The following ADCY2 variants were observed in gnomAD, a reference collection of about 807,000 sequenced individuals.
ADCY2 encodes the protein adenylate cyclase type 2.
ADCY2 carries 31 observed loss-of-function variants against 125.2 expected under a neutral mutation model. The observed-to-expected ratio is 0.25, with a 90% CI of 0.19 to 0.33. The LOEUF (loss-of-function observed/expected upper bound fraction) is 0.33. ADCY2 is among the 10% of genes least tolerant of loss of function. ADCY2 has a pLI of 1.00. For synonymous variants in ADCY2, 512 were observed against 548.4 expected, an observed-to-expected ratio of 0.93 and a Z score of 0.93; for missense variants, 904 against 1,418.2, an observed-to-expected ratio of 0.64 and a Z score of 5.82.
At chr5:7,555,068 G>C (rs983409154) in intron 3 of ADCY2, among the ~76,000 whole-genome samples, 3 of 152,074 alleles carry the variant, frequency 2.0e-5, no homozygotes, top group African/African-American at 7.2e-5. Flanking sequence ...TACGTGAGTG[G>C]GTGTGCACTG....
intron 2 of ADCY2, among the ~76,000 whole-genome samples, chr5:7,499,557 T>C (rs1466407333): frequency 1.3e-5 from 2 of 150,316 alleles, no homozygotes; most frequent in African/African-American, 4.9e-5. Flanking sequence ...AAGTAATAAA[T>C]GAGGTCAAAG....
At chr5:7,579,245 C>G (rs955537294) in intron 3 of ADCY2, among the ~76,000 whole-genome samples, 2 of 152,168 alleles carry the variant, frequency 1.3e-5, no homozygotes, top group Non-Finnish European at 2.9e-5. Flanking sequence ...CAAACAGCAC[C>G]TGGATGACCT....
intron 2 of ADCY2, among the ~76,000 whole-genome samples, chr5:7,501,148 G>A (rs969971172): frequency 5.0e-5 from 7 of 140,766 alleles, no homozygotes; most frequent in Non-Finnish European, 3.1e-5. Flanking sequence ...AAAAAAAAAG[G>A]TCTACATTTT....
chr5:7,500,329 G>A (rs1561059476), intron 2 of ADCY2, among the ~76,000 whole-genome samples: 1 of 152,212 alleles, frequency 6.6e-6, no homozygotes, highest in African/African-American at 2.4e-5. Flanking sequence ...TAAGGAAAGA[G>A]AGCAGAACCG....
At chr5:7,526,335 G>A (rs1734457218) in intron 3 of ADCY2, among the ~76,000 whole-genome samples, 1 of 152,188 alleles carries the variant, frequency 6.6e-6, no homozygotes, top group Admixed American at 6.5e-5. Flanking sequence ...AAGGGAAGCG[G>A]GTGGTAAAAT....
chr5:7,793,617 AG>A, intron 20 of ADCY2: 3 of 149,560 alleles, frequency 2.0e-5, no homozygotes, highest in Admixed American at 1.3e-4. Flanking sequence ...CCTCACTGCA[AG>A]GGCAGCTCGG....
At chr5:7,715,137 G>T (rs1013460406) in intron 11 of ADCY2, among the ~76,000 whole-genome samples, 7 of 152,174 alleles carry the variant, frequency 4.6e-5, no homozygotes, top group African/African-American at 1.4e-4. Context: ...CATGGCAGAG[G>T]TCACAAGACT....
At chr5:7,812,105 C>G (rs1165171520) in intron 22 of ADCY2, among the ~76,000 whole-genome samples, 1 of 152,146 alleles carries the variant, frequency 6.6e-6, no homozygotes, top group Admixed American at 6.5e-5. Context: ...AGGAGTCATA[C>G]AGAGACCGTC....
chr5:7,603,815 G>GTTTT (rs1277338369), intron 3 of ADCY2, among the ~76,000 whole-genome samples: 3 of 68,460 alleles, frequency 4.4e-5, no homozygotes, highest in Non-Finnish European at 5.9e-5. Flanking sequence ...TTTTTCTTTT[G>GTTTT]TTTTTTTTTT....
intron 1 of ADCY2, among the ~76,000 whole-genome samples, chr5:7,410,993 T>C (rs1322389924): frequency 6.6e-6 from 1 of 152,138 alleles, no homozygotes; most frequent in Non-Finnish European, 1.5e-5. Context: ...TTTATTCCAT[T>C]GACTTAGCCT....
chr5:7,743,607 A>C (rs1742508379), intron 14 of ADCY2, 61 bp from the exon 15 acceptor site: 2 of 1,480,018 alleles, frequency 1.4e-6, no homozygotes, highest in South Asian at 1.1e-5. Flanking sequence ...TATTACTGGT[A>C]GCTTTCCAGA....
In ADCY2 at chr5:7,432,977, A is replaced by G. The variant is rs188893978; in HGVS notation, c.408+18207A>G. ...CCTCAGTAAGGGTGTAAGATGGTGT[A>G]TAGGATTTTGTAGCATACAAAGAAT... On this transcript the variant is annotated intron_variant, in intron 2 of 24. Transcript: ENST00000338316. 3.9e-5 allele frequency among the ~76,000 whole-genome samples: 6 copies of G among 151,966 alleles called. No individual in the cohort carries two copies. In the East Asian group the frequency reaches 1.2e-3, roughly 29 times the overall value.
At chr5:7,586,876 T>C (rs1414001415) in intron 3 of ADCY2, among the ~76,000 whole-genome samples, 1 of 152,226 alleles carries the variant, frequency 6.6e-6, no homozygotes, top group Admixed American at 6.5e-5. Context: ...CGCCACATCT[T>C]CGTCTATCTA....
intron 3 of ADCY2, among the ~76,000 whole-genome samples, chr5:7,593,760 A>G (rs1034821255): frequency 2.6e-5 from 4 of 152,200 alleles, no homozygotes; most frequent in African/African-American, 4.8e-5. Context: ...CTCTGTTCTC[A>G]TGACACATTC....
intron 4 of ADCY2, among the ~76,000 whole-genome samples, chr5:7,627,159 G>A (rs947045771): frequency 1.3e-5 from 2 of 152,164 alleles, no homozygotes; most frequent in African/African-American, 4.8e-5. Context: ...AGGATGAAAT[G>A]TTGGAGTCTT....
intron 15 of ADCY2, among the ~76,000 whole-genome samples, chr5:7,753,351 T>A (rs1043125722): frequency 2.6e-5 from 4 of 152,150 alleles, no homozygotes; most frequent in Non-Finnish European, 4.4e-5. Flanking sequence ...ATCATGGGGT[T>A]CAGTGAGATG....
intron 3 of ADCY2, among the ~76,000 whole-genome samples, chr5:7,609,490 T>C (rs1469151308): frequency 1.3e-5 from 2 of 152,258 alleles, no homozygotes; most frequent in African/African-American, 4.8e-5. Context: ...ATATTTCCAA[T>C]TCTTATGTAC....
intron 2 of ADCY2, among the ~76,000 whole-genome samples, chr5:7,466,880 G>A (rs1742139258): frequency 6.6e-6 from 1 of 152,146 alleles, no homozygotes; most frequent in African/African-American, 2.4e-5. Flanking sequence ...CCCACCCCAT[G>A]AGGCACAGAC....
At chr5:7,543,389 A>G (rs534692006) in intron 3 of ADCY2, among the ~76,000 whole-genome samples, 2 of 152,036 alleles carry the variant, frequency 1.3e-5, no homozygotes, top group Non-Finnish European at 2.9e-5. Flanking sequence ...CAATATTTTG[A>G]TTTACTTTGT....
Sources: gnomAD v4.1 joint callset for allele counts (sites outside exome capture counted in the v4.1 genomes callset) on GRCh38, gnomAD v4.1.1 for gene constraint, MANE v1.5 for transcripts, NCBI Gene and HGNC (gene_info 2026-07-23, HGNC 2026-07-21) for gene names.